ATL2: variants seen among roughly 807,000 people sequenced by gnomAD.
ATL2 encodes atlastin GTPase 2.
Under a neutral mutation model 73.9 loss-of-function variants are expected in ATL2, and 31 were observed. The observed-to-expected ratio is 0.42, with a 90% CI of 0.32 to 0.57. The LOEUF is 0.57. Ranked by LOEUF, ATL2 falls within the 20% of genes least tolerant of loss-of-function variation. The pLI, the probability that ATL2 is intolerant of heterozygous loss-of-function variation, is 0.14. For missense variants in ATL2, 738 were observed against 702.6 expected (o/e 1.05, Z -0.57); for synonymous variants, 291 against 237.5 (o/e 1.23, Z -2.07).
intron 1 of ATL2, chr2:38,376,422 T>C (rs1034997857): frequency 2.7e-6 from 1 of 368,164 alleles, no homozygotes; most frequent in African/African-American, 2.0e-5. Context: ...GATCAGGCCT[T>C]ACTATCGTCC....
chr2:38,370,465 AAAAAAAAAAAAAAAAAAT>A (rs1403301342), intron 1 of ATL2, among the ~76,000 whole-genome samples: 22 of 120,200 alleles, frequency 1.8e-4, no homozygotes, highest in African/African-American at 1.3e-3. Flanking sequence ...AAAAAAAAAA[AAAAAAAAAAAAAAAAAAT>A]CAACCCAGCC....
chr2:38,345,329 C>G (rs925874561), intron 1 of ATL2, among the ~76,000 whole-genome samples: 2 of 152,162 alleles, frequency 1.3e-5, no homozygotes, highest in African/African-American at 2.4e-5. Flanking sequence ...ATCCACATAA[C>G]CAATATTCAC....
chr2:38,332,884 T>G (rs1311058697), intron 2 of ATL2, among the ~76,000 whole-genome samples: 3 of 152,140 alleles, frequency 2.0e-5, no homozygotes, highest in African/African-American at 7.2e-5. Flanking sequence ...AGGAAAGAAA[T>G]TTGTGAGAAC....
chr2:38,317,239 C>A (rs1668072437), intron 4 of ATL2, among the ~76,000 whole-genome samples: 1 of 152,010 alleles, frequency 6.6e-6, no homozygotes, highest in African/African-American at 2.4e-5. Flanking sequence ...GATCACATAC[C>A]CATTTTAAAA....
At chr2:38,355,607 A>C (rs529092651) in intron 1 of ATL2, among the ~76,000 whole-genome samples, 1 of 152,200 alleles carries the variant, frequency 6.6e-6, no homozygotes, top group South Asian at 2.1e-4. Flanking sequence ...TCAGAAAGAC[A>C]TAACAATGCC....
chr2:38,296,754 C>A, intron 12 of ATL2: 1 of 1,550,638 alleles, frequency 6.4e-7, no homozygotes, highest in Admixed American at 2.0e-5. Flanking sequence ...TTTGTTGACA[C>A]AGCACAGATC....
intron 1 of ATL2, among the ~76,000 whole-genome samples, chr2:38,356,586 A>G (rs1391843528): frequency 2.6e-5 from 4 of 152,230 alleles, no homozygotes; most frequent in Non-Finnish European, 4.4e-5. Flanking sequence ...TCAGAAACAC[A>G]TAATCATTTA....
chr2:38,369,577 T>C (rs1445532849), intron 1 of ATL2, among the ~76,000 whole-genome samples: 2 of 149,898 alleles, frequency 1.3e-5, no homozygotes, highest in Admixed American at 6.6e-5. Context: ...TGAGCCACCA[T>C]GCTCGGCCAA....
At chr2:38,376,996 A>T in intron 1 of ATL2, 147 bp downstream of exon 1, 1 of 549,226 alleles carries the variant, frequency 1.8e-6, no homozygotes, top group Non-Finnish European at 2.9e-6. Context: ...GGCTGAGGCT[A>T]GGCCCGGCGG....
chr2:38,351,409 G>A (rs1056956078), intron 1 of ATL2, among the ~76,000 whole-genome samples: 12 of 151,738 alleles, frequency 7.9e-5, no homozygotes, highest in African/African-American at 2.2e-4. Context: ...GAAAGTGGCC[G>A]AACAGTTATT....
At chr2:38,365,549 C>T (rs1330313586) in intron 1 of ATL2, among the ~76,000 whole-genome samples, 1 of 151,994 alleles carries the variant, frequency 6.6e-6, no homozygotes, top group Admixed American at 6.6e-5. Context: ...TTAGCACTTT[C>T]GGAGGCCAAG....
chr2:38,297,797 C>T, intron 12 of ATL2: 1 of 169,496 alleles, frequency 5.9e-6, no homozygotes, highest in Non-Finnish European at 1.3e-5. Flanking sequence ...AGCACCACTT[C>T]CAAACTTCTT....
intron 1 of ATL2, chr2:38,354,097 C>T: frequency 2.6e-6 from 1 of 385,902 alleles, no homozygotes; most frequent in Non-Finnish European, 5.1e-6. Context: ...GAGGCTGAGG[C>T]AGAGGAATCA....
intron 1 of ATL2, among the ~76,000 whole-genome samples, chr2:38,355,706 T>TTA (rs1670620152): frequency 7.1e-6 from 1 of 141,056 alleles, no homozygotes; most frequent in African/African-American, 2.5e-5. Flanking sequence ...TTTGGTTCTT[T>TTA]TTTTTTTTTT....
rs79093089 is a variant in ATL2 at position 38,300,115 on chromosome 2, G to A, written c.1128+157C>T. Among the ~76,000 whole-genome samples, 1,044 of 152,210 alleles carry A rather than the reference G, an allele frequency of 6.9e-3. 12 individuals are homozygous for A. The highest frequency in any genetic ancestry group is 0.057 in the East Asian group (293 of 5,178). On this transcript the variant is annotated intron_variant, in intron 10 of 12. Coordinates refer to ENST00000378954, the MANE Select transcript of ATL2 (RefSeq NM_001135673.4). The stretch of plus-strand genomic sequence containing the variant: ...TGCAGTTACAAAAAAAAAATTGTAT[G>A]AAACCTTAGGACCCACGACACATAC...
chr2:38,341,477 A>G (rs572537073), intron 2 of ATL2, among the ~76,000 whole-genome samples: 62 of 152,220 alleles, frequency 4.1e-4, no homozygotes, highest in South Asian at 2.3e-3. Flanking sequence ...ATCTTTACAA[A>G]AAATTTAAAA....
intron 2 of ATL2, among the ~76,000 whole-genome samples, chr2:38,339,486 T>TC (rs777531279): frequency 1.3e-5 from 2 of 152,146 alleles, no homozygotes; most frequent in Non-Finnish European, 1.5e-5. Flanking sequence ...GATTCAGGTA[T>TC]ACAGGCTCTC....
rs1453695415 is a variant in ATL2 at position 38,298,388 on chromosome 2, T to C, written c.1388A>G (p.Asn463Ser). ...AGCATAGAAGATATTTTTGCCATCATTGTGCTTTATAAAATTTGCATAGGT... is the reference window on the plus strand; with the variant it reads ...AGCATAGAAGATATTTTTGCCATCACTGTGCTTTATAAAATTTGCATAGGT... ...EETYANFIKH[N>S]DGKNIFYAAR... Residue 463 changes from asparagine to serine, a missense_variant, in exon 12 of 13, where the codon AAT becomes AGT. Asn to Ser is a conservative substitution (Grantham distance 46, BLOSUM62 1). Transcript: ENST00000378954. 6.8e-6 allele frequency: 11 copies of C among 1,614,074 alleles called. No homozygotes were observed. Among genetic ancestry groups the C allele is most frequent in the East Asian group, 2.2e-5 (1 of 44,896 alleles).
rs1296668259 is a variant in ATL2 at position 38,298,392 on chromosome 2, G to C, written c.1384C>G (p.His462Asp). The C allele has an allele frequency of 6.2e-7, 1 of 1,614,170 alleles. No homozygotes were observed. Reference sequence around the variant, plus strand: ...TAGAAGATATTTTTGCCATCATTGTGCTTTATAAAATTTGCATAGGTTTCT... The same window carrying C: ...TAGAAGATATTTTTGCCATCATTGTCCTTTATAAAATTTGCATAGGTTTCT... ...IEETYANFIKHNDGKNIFYAA... is the reference protein window; with the variant it reads ...IEETYANFIKDNDGKNIFYAA... The change falls in exon 12 of 13, where the codon CAC becomes GAC. Residue 462 changes from histidine to aspartate, a missense_variant. Physicochemically the swap from His to Asp is moderately conservative, Grantham distance 81. Coordinates refer to ENST00000378954, the MANE Select transcript of ATL2 (RefSeq NM_001135673.4).
Sources: allele counts gnomAD v4.1 joint callset (sites outside exome capture counted in the v4.1 genomes callset), GRCh38; gene constraint gnomAD v4.1.1; transcripts MANE v1.5; gene names NCBI Gene and HGNC (gene_info 2026-07-23, HGNC 2026-07-21).